SLC35F2: variants seen among roughly 807,000 people sequenced by gnomAD.
SLC35F2 encodes solute carrier family 35 member F2.
In SLC35F2, 25 loss-of-function variants were observed where a neutral mutation model predicts 38.1. The observed-to-expected ratio is 0.66, with a 90% CI of 0.48 to 0.92. The LOEUF is 0.92. Ranked by LOEUF, SLC35F2 falls within the 40% of genes least tolerant of loss-of-function variation. The pLI is 0.00. For missense variants in SLC35F2, 409 were observed against 452.9 expected, an observed-to-expected ratio of 0.90 and a Z score of 0.88; for synonymous variants, 173 against 181.7, an observed-to-expected ratio of 0.95 and a Z score of 0.38.
At chr11:107,802,872 G>A in intron 7 of SLC35F2, 129 bp downstream of exon 7, 3 of 865,042 alleles carry the variant, frequency 3.5e-6, no homozygotes, top group Non-Finnish European at 3.5e-6. Flanking sequence ...GCAAAGGGAG[G>A]CCTGACCAAT....
intron 1 of SLC35F2, chr11:107,824,042 CAA>C (rs1456911415): frequency 1.0e-6 from 1 of 981,062 alleles, no homozygotes; most frequent in African/African-American, 1.8e-5. Flanking sequence ...TCCTACGATT[CAA>C]AAGTTTAGCC....
At chr11:107,843,846 T>TA (rs780744909) in intron 1 of SLC35F2, among the ~76,000 whole-genome samples, 11 of 45,192 alleles carry the variant, frequency 2.4e-4, no homozygotes, top group African/African-American at 4.6e-4. Context: ...CTCTGTATCT[T>TA]AAAAAAAAAA....
At chr11:107,804,244 CA>C (rs1340734142) in intron 6 of SLC35F2, among the ~76,000 whole-genome samples, 1 of 152,100 alleles carries the variant, frequency 6.6e-6, no homozygotes, top group Non-Finnish European at 1.5e-5. Context: ...AACCAGGTTC[CA>C]ATCTTTTCTG....
At chr11:107,843,410 C>G (rs970974988) in intron 1 of SLC35F2, among the ~76,000 whole-genome samples, 2 of 151,392 alleles carry the variant, frequency 1.3e-5, no homozygotes, top group African/African-American at 4.9e-5. Context: ...TCTACTAAAA[C>G]TACAAAATTA....
intron 7 of SLC35F2, among the ~76,000 whole-genome samples, chr11:107,802,242 A>AAAAAAAAAAATAAAT (rs559048077): frequency 1.4e-5 from 2 of 147,892 alleles, no homozygotes; most frequent in East Asian, 2.1e-4. Flanking sequence ...CATCTCAAAA[A>AAAAAAAAAAATAAAT]AAATAAATAA....
intron 1 of SLC35F2, among the ~76,000 whole-genome samples, chr11:107,857,283 G>T (rs1860308999): frequency 6.7e-6 from 1 of 149,822 alleles, no homozygotes; most frequent in Non-Finnish European, 1.5e-5. Flanking sequence ...AGGAAGGACG[G>T]AAGGAAGGAG....
intron 1 of SLC35F2, among the ~76,000 whole-genome samples, chr11:107,838,659 T>C (rs1209005037): frequency 7.7e-6 from 1 of 130,290 alleles, no homozygotes; most frequent in African/African-American, 3.0e-5. Context: ...GAGACAGTCT[T>C]GCTCTGTCCC....
At chr11:107,796,246 C>T (rs1442604037) in intron 7 of SLC35F2, among the ~76,000 whole-genome samples, 3 of 152,152 alleles carry the variant, frequency 2.0e-5, no homozygotes, top group Non-Finnish European at 4.4e-5. Context: ...AATAGAACTA[C>T]TATACAATCC....
intron 1 of SLC35F2, among the ~76,000 whole-genome samples, chr11:107,855,607 G>A (rs186561547): frequency 7.3e-5 from 11 of 151,574 alleles, no homozygotes; most frequent in East Asian, 3.9e-4. Context: ...AGCCGAGATC[G>A]CGCCATTGAA....
chr11:107,846,065 G>T (rs1480179640), intron 1 of SLC35F2, among the ~76,000 whole-genome samples: 2 of 151,902 alleles, frequency 1.3e-5, no homozygotes, highest in African/African-American at 4.8e-5. Flanking sequence ...TTATAAAAAT[G>T]AAAACCATTC....
At chr11:107,810,977 G>C (rs968080870) in intron 3 of SLC35F2, 7 of 982,482 alleles carry the variant, frequency 7.1e-6, no homozygotes, top group African/African-American at 3.5e-5. Context: ...TGAAAAAAAA[G>C]TTATAAACAA....
In SLC35F2 at chr11:107,835,745, G is replaced by GT. The variant is rs11426776; in HGVS notation, c.111-19781dup. On this transcript the variant is annotated intron_variant, in intron 1 of 7. Coordinates refer to ENST00000525815, the MANE Select transcript of SLC35F2 (RefSeq NM_017515.5). The stretch of plus-strand genomic sequence containing the variant: ...AATGGTACCCAATTCAATTCAGCAT[G>GT]TTTTTTTTAGATCCTAACACTGTGT... 5.3e-5 allele frequency among the ~76,000 whole-genome samples: 8 copies of GT among 151,866 alleles called. No homozygotes were observed. In the East Asian group the frequency reaches 9.7e-4, roughly 18 times the overall value.
intron 1 of SLC35F2, among the ~76,000 whole-genome samples, chr11:107,856,913 G>C (rs71464786): frequency 2.5e-5 from 1 of 39,978 alleles, no homozygotes; most frequent in Non-Finnish European, 4.9e-5. Flanking sequence ...GGAAGGGAGG[G>C]AGGGAGGGAG....
At chr11:107,830,357 G>A (rs753482035) in intron 1 of SLC35F2, among the ~76,000 whole-genome samples, 7 of 151,954 alleles carry the variant, frequency 4.6e-5, no homozygotes, top group Non-Finnish European at 8.8e-5. Flanking sequence ...AGGCCGAGGC[G>A]GGCAGATCAC....
chr11:107,843,861 AAAAAAAAATATATATATATAT>A (rs1410983960), intron 1 of SLC35F2, among the ~76,000 whole-genome samples: 12 of 38,272 alleles, frequency 3.1e-4, no homozygotes, highest in East Asian at 1.1e-3. Flanking sequence ...AAAAAAAAAA[AAAAAAAAATATATATATATAT>A]ATATATATAT....
chr11:107,816,015 T>TACACACACACACACACACAC lies in SLC35F2; in HGVS notation c.111-70_111-51dup, dbSNP rs370565333. 4.1e-6 allele frequency: 5 copies of TACACACACACACACACACAC among 1,228,840 alleles called. No individual in the cohort carries two copies. The African/African-American group carries it at 8.8e-5, about 22-fold the overall frequency. The allele number at this position is 1,228,840 out of a possible 1,614,324, so 76.1% of individuals were successfully genotyped here. A position where few individuals can be genotyped will look rare whatever the true frequency, so the allele number is the denominator to read the frequency against. ...AACAGCATGCAAATAAGTTATACCT[T>TACACACACACACACACACAC]ACACACACACACACACACACACACA... On this transcript the variant is annotated intron_variant, in intron 1 of 7. Transcript: ENST00000525815.
intron 1 of SLC35F2, among the ~76,000 whole-genome samples, chr11:107,825,516 C>T (rs942761491): frequency 6.6e-6 from 1 of 151,932 alleles, no homozygotes; most frequent in African/African-American, 2.4e-5. Context: ...GGATTACAGG[C>T]GCCTGCCACC....
intron 1 of SLC35F2, among the ~76,000 whole-genome samples, chr11:107,847,987 A>C (rs1860124485): frequency 6.6e-6 from 1 of 152,198 alleles, no homozygotes; most frequent in Non-Finnish European, 1.5e-5. Flanking sequence ...CATTTATATG[A>C]AGTATCTAGA....
intron 1 of SLC35F2, among the ~76,000 whole-genome samples, chr11:107,850,992 C>T (rs538644117): frequency 9.9e-5 from 15 of 151,838 alleles, no homozygotes; most frequent in African/African-American, 2.2e-4. Flanking sequence ...TAGCTGGGCG[C>T]GGTGGCTCAC....
Sources: allele counts gnomAD v4.1 joint callset (sites outside exome capture counted in the v4.1 genomes callset), GRCh38; gene constraint gnomAD v4.1.1; transcripts MANE v1.5; gene names NCBI Gene and HGNC (gene_info 2026-07-23, HGNC 2026-07-21).